SORCS1: variants seen among roughly 807,000 people sequenced by gnomAD.
SORCS1 encodes the protein VPS10 domain-containing receptor SorCS1.
In SORCS1, 60 loss-of-function variants were observed where a neutral mutation model predicts 146.1. That is an observed-to-expected ratio of 0.41 (90% CI 0.33 to 0.51). SORCS1 has a LOEUF of 0.51. SORCS1 is among the 20% of genes least tolerant of loss of function. The probability of loss-of-function intolerance (pLI) is 0.21; values close to 1 mark genes in which losing one functional copy is unlikely to be tolerated. For synonymous variants in SORCS1, 637 were observed against 584.0 expected (o/e 1.09, Z -1.31); for missense variants, 1,352 against 1,487.6 (o/e 0.91, Z 1.50).
intron 2 of SORCS1, among the ~76,000 whole-genome samples, chr10:106,854,803 A>G (rs1949720557): frequency 2.0e-5 from 3 of 152,240 alleles, no homozygotes; most frequent in Admixed American, 2.0e-4. Context: ...TCACCTGTAC[A>G]TAAGCATACC....
intron 2 of SORCS1, among the ~76,000 whole-genome samples, chr10:106,942,404 G>C (rs533662467): frequency 6.6e-6 from 1 of 152,132 alleles, no homozygotes; most frequent in Non-Finnish European, 1.5e-5. Context: ...ATAACCAAAT[G>C]CCTTCTTGTG....
intron 3 of SORCS1, among the ~76,000 whole-genome samples, chr10:106,818,606 C>T (rs1309362204): frequency 5.3e-5 from 8 of 152,140 alleles, no homozygotes; most frequent in East Asian, 1.9e-4. Context: ...CCTGGTGATC[C>T]GCCTGCCTCG....
At chr10:106,794,266 C>T (rs1389957528) in intron 3 of SORCS1, among the ~76,000 whole-genome samples, 3 of 152,296 alleles carry the variant, frequency 2.0e-5, no homozygotes, top group Non-Finnish European at 2.9e-5. Flanking sequence ...GTTACCACCA[C>T]CCACATCATC....
intron 1 of SORCS1, among the ~76,000 whole-genome samples, chr10:107,078,578 G>A (rs1379544548): frequency 6.6e-6 from 1 of 152,100 alleles, no homozygotes; most frequent in Non-Finnish European, 1.5e-5. Context: ...CCATTCAGTT[G>A]TGTTCTCTAT....
chr10:107,107,400 G>C (rs1965381551), intron 1 of SORCS1, among the ~76,000 whole-genome samples: 1 of 152,226 alleles, frequency 6.6e-6, no homozygotes, highest in South Asian at 2.1e-4. Context: ...TAAAGTGGCA[G>C]ATAACTTGGA....
intron 1 of SORCS1, among the ~76,000 whole-genome samples, chr10:107,022,097 A>G (rs562833330): frequency 3.3e-5 from 5 of 152,168 alleles, no homozygotes; most frequent in African/African-American, 1.2e-4. Context: ...CATTTCCAGG[A>G]TGGAGGAGGA....
chr10:107,108,950 T>G (rs1965493431), intron 1 of SORCS1, among the ~76,000 whole-genome samples: 1 of 152,198 alleles, frequency 6.6e-6, no homozygotes, highest in Non-Finnish European at 1.5e-5. Context: ...AGGCAGTCAT[T>G]AAATCTTAAA....
chr10:106,723,131 G>C (rs1855896295), intron 6 of SORCS1, among the ~76,000 whole-genome samples: 2 of 152,028 alleles, frequency 1.3e-5, no homozygotes. Flanking sequence ...GACCAGCCTG[G>C]GCAACATGGT....
chr10:106,632,800 C>G (rs191604737), intron 18 of SORCS1, among the ~76,000 whole-genome samples: 1 of 152,242 alleles, frequency 6.6e-6, no homozygotes, highest in African/African-American at 2.4e-5. Context: ...TTGTAATATG[C>G]AGGACTGGAG....
chr10:106,795,013 A>C (rs181966287), intron 3 of SORCS1, among the ~76,000 whole-genome samples: 21 of 152,328 alleles, frequency 1.4e-4, no homozygotes, highest in Non-Finnish European at 1.9e-4. Flanking sequence ...TTATTTCTAT[A>C]GCTATGAAAT....
At chr10:106,835,673 T>C (rs192094645) in intron 2 of SORCS1, among the ~76,000 whole-genome samples, 14 of 152,342 alleles carry the variant, frequency 9.2e-5, no homozygotes. Flanking sequence ...ATAATAATTA[T>C]GTCACAATTC....
chr10:107,173,695 C>A, the SORCS1 span, among the ~76,000 whole-genome samples: 1 of 151,816 alleles, frequency 6.6e-6, no homozygotes, highest in Admixed American at 6.6e-5. Context: ...ATCTATAATC[C>A]ATCTGGAATT....
At chr10:106,948,812 T>C (rs1274372980) in intron 2 of SORCS1, among the ~76,000 whole-genome samples, 1 of 151,792 alleles carries the variant, frequency 6.6e-6, no homozygotes, top group Non-Finnish European at 1.5e-5. Context: ...ACAAAAAAAA[T>C]TAGCTGGGCG....
chr10:106,980,786 C>T (rs1956218505), intron 1 of SORCS1, among the ~76,000 whole-genome samples: 1 of 152,140 alleles, frequency 6.6e-6, no homozygotes, highest in Non-Finnish European at 1.5e-5. Context: ...ATGCAAAGGT[C>T]ATATTTTCTA....
At chr10:106,832,027 G>A (rs914245375) in intron 2 of SORCS1, among the ~76,000 whole-genome samples, 7 of 152,064 alleles carry the variant, frequency 4.6e-5, no homozygotes, top group African/African-American at 1.7e-4. Context: ...TATTTCACAG[G>A]ATATCTTATT....
chr10:106,910,438 C>A (rs993950489), intron 2 of SORCS1, among the ~76,000 whole-genome samples: 1 of 152,048 alleles, frequency 6.6e-6, no homozygotes, highest in African/African-American at 2.4e-5. Context: ...GGAAAAGGTG[C>A]TCATCTGGCA....
At chr10:106,779,836 C>G (rs1198193985) in intron 3 of SORCS1, among the ~76,000 whole-genome samples, 1 of 152,184 alleles carries the variant, frequency 6.6e-6, no homozygotes, top group East Asian at 1.9e-4. Flanking sequence ...AATGCACACA[C>G]GTTAACACAC....
At position 106,956,507 on chromosome 10, in the gene SORCS1, A is replaced by G. The variant is rs1954949751; in HGVS notation, c.626+6T>C. On this transcript the variant is annotated splice_donor_region_variant and intron_variant, in intron 2 of 25. Coordinates refer to ENST00000263054, the MANE Select transcript of SORCS1 (RefSeq NM_052918.5). ...CGGTAATTATTAGCTCCATTTATCT[A>G]CATACCTCCAAAGCGAGCTCTCTGT... 6.2e-7 allele frequency: 1 copy of G among 1,613,202 alleles called. No homozygotes were observed. The highest frequency in any genetic ancestry group is 8.5e-7 in the Non-Finnish European group (1 of 1,179,356).
intron 3 of SORCS1, among the ~76,000 whole-genome samples, chr10:106,811,030 T>C (rs1254773546): frequency 6.6e-6 from 1 of 151,058 alleles, no homozygotes; most frequent in African/African-American, 2.4e-5. Flanking sequence ...AACCTCCGCC[T>C]CCTGGGTTCA....
Sources: gnomAD v4.1 joint callset for allele counts (sites outside exome capture counted in the v4.1 genomes callset) on GRCh38, gnomAD v4.1.1 for gene constraint, MANE v1.5 for transcripts, NCBI Gene and HGNC (gene_info 2026-07-23, HGNC 2026-07-21) for gene names.